Variants in METTL16 observed in about 807,000 individuals in gnomAD.
METTL16 encodes RNA N(6)-adenosine-methyltransferase METTL16.
A neutral mutation model predicts 57.9 loss-of-function variants in METTL16; 19 were observed. That is an observed-to-expected ratio of 0.33 (90% CI 0.23 to 0.48). The LOEUF is 0.48. Ranked by LOEUF, METTL16 falls within the 20% of genes least tolerant of loss-of-function variation. The pLI is 0.99. For synonymous variants in METTL16, 246 were observed against 255.6 expected (o/e 0.96, Z 0.36); for missense variants, 434 against 691.5 (o/e 0.63, Z 4.18).
chr17:2,459,840 A>G (rs1222274309), intron 6 of METTL16: 1 of 152,140 alleles, frequency 6.6e-6, no homozygotes, highest in Non-Finnish European at 1.5e-5. Flanking sequence ...TGTCTCTACT[A>G]AAAATACAAA....
Position 2,504,379 on chromosome 17 carries a change from T to G in METTL16, c.1-2048A>C, listed in dbSNP as rs138107194. Among the ~76,000 whole-genome samples, 7 of 152,338 alleles carry G rather than the reference T, an allele frequency of 4.6e-5. No homozygotes were observed. In the East Asian group the frequency reaches 1.3e-3, roughly 29 times the overall value. On this transcript the variant is annotated intron_variant, in intron 1 of 9. Coordinates refer to ENST00000263092, the MANE Select transcript of METTL16 (RefSeq NM_024086.4). ...GGCTAAAATGGTAAATTTTATGTTATGTATATTTTTCCATGATTTTAAAAA... is the reference window on the plus strand; with the variant it reads ...GGCTAAAATGGTAAATTTTATGTTAGGTATATTTTTCCATGATTTTAAAAA...
intron 1 of METTL16, among the ~76,000 whole-genome samples, chr17:2,506,867 T>C (rs1474503301): frequency 2.0e-5 from 3 of 148,762 alleles, no homozygotes; most frequent in African/African-American, 7.5e-5. Context: ...CCGCCCATCA[T>C]CTGAGATGTG....
chr17:2,486,673 G>A (rs560791024), intron 2 of METTL16, among the ~76,000 whole-genome samples: 5 of 151,718 alleles, frequency 3.3e-5, no homozygotes, highest in African/African-American at 9.7e-5. Flanking sequence ...CTATACCTGC[G>A]TTAAGAGGCT....
In METTL16 at chr17:2,467,864, G is replaced by A; in HGVS notation, c.482C>T (p.Pro161Leu). Residue 161 changes from proline (P) to leucine (L), a missense_variant, in exon 5 of 10, where the codon CCA (proline) becomes CTA (leucine). Physicochemically the swap from Pro to Leu is moderately conservative, Grantham distance 98. Coordinates refer to ENST00000263092, the MANE Select transcript of METTL16 (RefSeq NM_024086.4). ...AGCATCCATCAGGAGTGTCTTCTGTGGCACTTTCACCACTAGGAGAAAAAA... is the reference window on the plus strand; with the variant it reads ...AGCATCCATCAGGAGTGTCTTCTGTAGCACTTTCACCACTAGGAGAAAAAA... ...LSDLIKVVKVPQKTLLMDALK... is the reference protein window; with the variant it reads ...LSDLIKVVKVLQKTLLMDALK... 1 of 1,613,052 alleles carries A rather than the reference G, an allele frequency of 6.2e-7. No individual in the cohort carries two copies. Among genetic ancestry groups the A allele is most frequent in the Non-Finnish European group, 8.5e-7 (1 of 1,179,058 alleles).
chr17:2,497,545 T>A (rs1039596174), intron 2 of METTL16, among the ~76,000 whole-genome samples: 4 of 151,104 alleles, frequency 2.6e-5, no homozygotes, highest in Admixed American at 2.0e-4. Flanking sequence ...ACTTCTGAGC[T>A]CAAGCCATTC....
At position 2,416,752 on chromosome 17, in the gene METTL16, AC is replaced by A. The variant is rs1194875776; in HGVS notation, c.*3217del. On this transcript the variant is annotated 3_prime_UTR_variant, in exon 10 of 10. Transcript: ENST00000263092. ...ATCACCAAGATTTAATTTCATACCA[AC>A]CCCGCAACATGAATGTGACCTCTGG... The A allele has an allele frequency of 6.6e-6, 1 of 152,068 alleles. No homozygotes were observed. The highest frequency in any genetic ancestry group is 1.5e-5 in the Non-Finnish European group (1 of 68,024). The allele number at this position is 152,068 out of a possible 1,614,324, so 9.4% of individuals were successfully genotyped here.
Position 2,502,152 on chromosome 17 carries a change from A to C in METTL16, c.128+52T>G, listed in dbSNP as rs974909016. On this transcript the variant is annotated intron_variant, in intron 2 of 9. Coordinates refer to ENST00000263092, the MANE Select transcript of METTL16 (RefSeq NM_024086.4). ...ACTCAGGTGGGCTTTCTATTACATCATATCCATTTGAATCACACAAGAATA... is the reference window on the plus strand; with the variant it reads ...ACTCAGGTGGGCTTTCTATTACATCCTATCCATTTGAATCACACAAGAATA... 2.5e-6 allele frequency: 4 copies of C among 1,585,458 alleles called. No homozygotes were observed. In the East Asian group the frequency reaches 6.7e-5, roughly 27 times the overall value.
intron 2 of METTL16, among the ~76,000 whole-genome samples, chr17:2,478,198 A>G (rs2067280534): frequency 6.6e-6 from 1 of 152,208 alleles, no homozygotes; most frequent in Admixed American, 6.5e-5. Context: ...TACCTCTATG[A>G]AAGTGTTTCC....
At chr17:2,469,119 C>T (rs1047813603) in intron 4 of METTL16, among the ~76,000 whole-genome samples, 4 of 151,956 alleles carry the variant, frequency 2.6e-5, no homozygotes, top group Admixed American at 1.3e-4. Context: ...CACCTACAAT[C>T]CCAGCTACTC....
chr17:2,440,006 G>A (rs1346908535), intron 7 of METTL16, among the ~76,000 whole-genome samples: 1 of 152,094 alleles, frequency 6.6e-6, no homozygotes, highest in Non-Finnish European at 1.5e-5. Flanking sequence ...GGGCAATACA[G>A]CAAGACCCTA....
chr17:2,439,005 C>CA (rs2066928085), intron 7 of METTL16, among the ~76,000 whole-genome samples: 1 of 152,176 alleles, frequency 6.6e-6, no homozygotes, highest in African/African-American at 2.4e-5. Flanking sequence ...CTGCTCCTCC[C>CA]ACTGGCTTGC....
chr17:2,464,240 G>A lies in METTL16; in HGVS notation c.696C>T (p.Ile232=). 1 of 1,613,812 alleles carries A rather than the reference G, an allele frequency of 6.2e-7. No homozygotes were observed. The highest frequency in any genetic ancestry group is 8.5e-7 in the Non-Finnish European group (1 of 1,179,908). Residue 232 remains isoleucine, a synonymous_variant, in exon 6 of 10, where the codon ATC becomes ATT. Transcript: ENST00000263092. ...TTTTTTTAAGTTGTAGACTGTCATGGATGATCCTTTTAACAAACTCTAATT... is the reference window on the plus strand; with the variant it reads ...TTTTTTTAAGTTGTAGACTGTCATGAATGATCCTTTTAACAAACTCTAATT... ...GGELEFVKRI[I]HDSLQLKKRL...
chr17:2,448,599 A>G (rs2067035327), intron 6 of METTL16, among the ~76,000 whole-genome samples: 1 of 85,402 alleles, frequency 1.2e-5, no homozygotes, highest in African/African-American at 5.3e-5. Flanking sequence ...CAGGGACACA[A>G]ACACTGCGGA....
chr17:2,437,077 T>G (rs2066914184), intron 8 of METTL16, among the ~76,000 whole-genome samples: 1 of 152,092 alleles, frequency 6.6e-6, no homozygotes, highest in Non-Finnish European at 1.5e-5. Flanking sequence ...AGACGGGGTT[T>G]CACCATGTTG....
chr17:2,448,787 AATAAAAATAAAATTT>A (rs2067041423), intron 6 of METTL16, among the ~76,000 whole-genome samples: 3 of 102,536 alleles, frequency 2.9e-5, no homozygotes, highest in East Asian at 2.1e-4. Flanking sequence ...AAAATAAAAA[AATAAAAATAAAATTT>A]AAAAAAAAAA....
At chr17:2,464,694 C>T (rs2067177503) in intron 5 of METTL16, among the ~76,000 whole-genome samples, 2 of 152,100 alleles carry the variant, frequency 1.3e-5, no homozygotes, top group Admixed American at 1.3e-4. Context: ...TTTTTCCTAG[C>T]ATTTTCACGG....
At chr17:2,421,106 C>T (rs2066762372) in intron 8 of METTL16, among the ~76,000 whole-genome samples, 1 of 152,200 alleles carries the variant, frequency 6.6e-6, no homozygotes, top group Non-Finnish European at 1.5e-5. Flanking sequence ...ATAATCCCAG[C>T]ACTTTGGGGG....
intron 1 of METTL16, 98 bp from the exon 2 acceptor site, chr17:2,502,429 G>A: frequency 8.8e-7 from 1 of 1,130,658 alleles, no homozygotes; most frequent in Non-Finnish European, 1.3e-6. Flanking sequence ...CCAGTACTTT[G>A]GGAGGCCAAG....
intron 1 of METTL16, 88 bp downstream of exon 1, chr17:2,511,671 C>A: frequency 2.5e-6 from 1 of 394,816 alleles, no homozygotes; most frequent in Admixed American, 4.4e-5. Flanking sequence ...ACCTCACTAG[C>A]CCAAAACTCA....
Sources: allele counts gnomAD v4.1 joint callset (sites outside exome capture counted in the v4.1 genomes callset), GRCh38; gene constraint gnomAD v4.1.1; transcripts MANE v1.5; gene names NCBI Gene and HGNC (gene_info 2026-07-23, HGNC 2026-07-21).